HS3ST4: variants seen among roughly 807,000 people sequenced by gnomAD.
The protein encoded by HS3ST4 is heparan sulfate glucosamine 3-O-sulfotransferase 4.
A neutral mutation model predicts 29.2 loss-of-function variants in HS3ST4; 17 were observed. That is an observed-to-expected ratio of 0.58 (90% CI 0.40 to 0.87). HS3ST4 has a LOEUF of 0.87. Among genes scored for constraint, HS3ST4 ranks in the 40% least tolerant of loss-of-function variants. The probability of loss-of-function intolerance (pLI) is 0.00; values close to 1 mark genes in which losing one functional copy is unlikely to be tolerated. For synonymous variants in HS3ST4, 314 were observed against 285.7 expected (o/e 1.10, Z -1.00); for missense variants, 627 against 634.5 (o/e 0.99, Z 0.13).
At chr16:25,848,495 G>A (rs1374790506) in intron 1 of HS3ST4, among the ~76,000 whole-genome samples, 1 of 150,882 alleles carries the variant, frequency 6.6e-6, no homozygotes, top group Admixed American at 6.6e-5. Flanking sequence ...CCCTTTTTGA[G>A]TTTACTTTGG....
intron 1 of HS3ST4, among the ~76,000 whole-genome samples, chr16:25,996,130 T>C (rs1001057172): frequency 6.6e-6 from 1 of 152,114 alleles, no homozygotes; most frequent in Non-Finnish European, 1.5e-5. Context: ...CCAGATAAGA[T>C]TTGGGACCAA....
chr16:25,708,341 TA>T lies in HS3ST4; in HGVS notation c.734+15192del, dbSNP rs35966218. 8.9e-3 allele frequency among the ~76,000 whole-genome samples: 1,356 copies of T among 152,264 alleles called. 9 individuals carry two copies. The highest frequency in any genetic ancestry group is 0.014 in the Non-Finnish European group (954 of 68,002). ...TAAAATATTCACTTTCAGTAAACAA[TA>T]AGCAAGTATCAAAACAGATGTGTAA... On this transcript the variant is annotated intron_variant, in intron 1 of 1. Coordinates refer to ENST00000331351, the MANE Select transcript of HS3ST4 (RefSeq NM_006040.3).
chr16:25,804,313 G>GA (rs1220626133), intron 1 of HS3ST4, among the ~76,000 whole-genome samples: 18 of 152,226 alleles, frequency 1.2e-4, no homozygotes, highest in Non-Finnish European at 2.4e-4. Flanking sequence ...TCTGCATCCA[G>GA]AAAGAGCTCT....
chr16:25,920,579 T>C (rs1968337931), intron 1 of HS3ST4, among the ~76,000 whole-genome samples: 1 of 147,012 alleles, frequency 6.8e-6, no homozygotes, highest in African/African-American at 2.6e-5. Context: ...CAAGTAGAAA[T>C]CCTTCCCCTC....
intron 1 of HS3ST4, among the ~76,000 whole-genome samples, chr16:26,005,795 A>T (rs1969252726): frequency 1.3e-5 from 2 of 151,652 alleles, no homozygotes; most frequent in South Asian, 4.2e-4. Context: ...TTAGACCAGG[A>T]TTTCTCAACT....
chr16:25,955,943 T>C (rs975896349), intron 1 of HS3ST4, among the ~76,000 whole-genome samples: 1 of 151,792 alleles, frequency 6.6e-6, no homozygotes, highest in African/African-American at 2.4e-5. Flanking sequence ...GCCTCCCAAG[T>C]AGCTGGGATT....
intron 1 of HS3ST4, among the ~76,000 whole-genome samples, chr16:26,053,967 C>T (rs1245004130): frequency 6.6e-6 from 1 of 152,114 alleles, no homozygotes; most frequent in Non-Finnish European, 1.5e-5. Context: ...GGGAGGCTCC[C>T]TTGTGACACA....
At chr16:26,011,829 G>A (rs990004634) in intron 1 of HS3ST4, among the ~76,000 whole-genome samples, 1 of 151,762 alleles carries the variant, frequency 6.6e-6, no homozygotes. Context: ...AATCTATTAG[G>A]AATACTAGGA....
chr16:25,715,697 AG>A (rs1489859101), intron 1 of HS3ST4, among the ~76,000 whole-genome samples: 3 of 152,226 alleles, frequency 2.0e-5, no homozygotes, highest in Non-Finnish European at 4.4e-5. Context: ...GCGGAGTGAC[AG>A]GATGGCTTTA....
chr16:26,089,588 G>T (rs1898829313), intron 1 of HS3ST4, among the ~76,000 whole-genome samples: 1 of 152,218 alleles, frequency 6.6e-6, no homozygotes, highest in African/African-American at 2.4e-5. Flanking sequence ...GCCAGGATTT[G>T]CTCTGTTAGC....
intron 1 of HS3ST4, among the ~76,000 whole-genome samples, chr16:25,781,091 T>G (rs1030992445): frequency 1.3e-5 from 2 of 152,166 alleles, no homozygotes; most frequent in African/African-American, 4.8e-5. Context: ...CAGGGCAGCT[T>G]GTTGTTATAA....
At position 25,692,599 on chromosome 16, in the gene HS3ST4, T is replaced by A; in HGVS notation, c.182T>A (p.Phe61Tyr). Reference protein sequence around the residue: ...SLLGGSGSLQFPLALQESPGA... With the variant: ...SLLGGSGSLQYPLALQESPGA... Reference sequence around the variant, plus strand: ...CTGGGCGGCTCGGGCTCCCTGCAATTCCCTCTGGCGCTGCAGGAGTCGCCG... The same window carrying A: ...CTGGGCGGCTCGGGCTCCCTGCAATACCCTCTGGCGCTGCAGGAGTCGCCG... The change falls in exon 1 of 2, where the codon TTC (phenylalanine) becomes TAC (tyrosine). Residue 61 changes from phenylalanine (F) to tyrosine (Y), a missense_variant. By Grantham distance (22) the Phe-to-Tyr change is conservative (BLOSUM62 3). Coordinates refer to ENST00000331351, the MANE Select transcript of HS3ST4 (RefSeq NM_006040.3). The A allele has an allele frequency of 7.1e-7, 1 of 1,399,540 alleles. No homozygotes were observed. The highest frequency in any genetic ancestry group is 9.4e-7 in the Non-Finnish European group (1 of 1,066,448). The allele number at this position is 1,399,540 out of a possible 1,614,324, so 86.7% of individuals were successfully genotyped here.
At chr16:25,999,894 A>ATATTATATATATTTTT (rs1555477414) in intron 1 of HS3ST4, among the ~76,000 whole-genome samples, 2 of 103,758 alleles carry the variant, frequency 1.9e-5, no homozygotes, top group African/African-American at 6.9e-5. Context: ...ATATATATAT[A>ATATTATATATATTTTT]TTTTATATAT....
intron 1 of HS3ST4, among the ~76,000 whole-genome samples, chr16:26,117,994 TA>T (rs1466892654): frequency 6.6e-5 from 10 of 152,054 alleles, no homozygotes; most frequent in African/African-American, 2.4e-4. Flanking sequence ...CTAAAGAAGA[TA>T]AAACAAAACA....
chr16:25,733,047 G>A (rs952105689), intron 1 of HS3ST4, among the ~76,000 whole-genome samples: 2 of 152,150 alleles, frequency 1.3e-5, no homozygotes, highest in African/African-American at 4.8e-5. Context: ...TTCCAAAGAA[G>A]ACCATCTCTG....
At chr16:26,093,360 G>A (rs1898880930) in intron 1 of HS3ST4, among the ~76,000 whole-genome samples, 1 of 152,154 alleles carries the variant, frequency 6.6e-6, no homozygotes, top group Non-Finnish European at 1.5e-5. Context: ...ACCTCATACA[G>A]GCGGGTGCTC....
chr16:25,791,237 T>C (rs1448876158), intron 1 of HS3ST4, among the ~76,000 whole-genome samples: 1 of 152,184 alleles, frequency 6.6e-6, no homozygotes, highest in Non-Finnish European at 1.5e-5. Context: ...GTATTCTGTT[T>C]TGCTAGACTA....
chr16:26,017,610 A>G (rs1969373936), intron 1 of HS3ST4, among the ~76,000 whole-genome samples: 1 of 152,220 alleles, frequency 6.6e-6, no homozygotes, highest in Non-Finnish European at 1.5e-5. Flanking sequence ...CTTTCTAATG[A>G]GGATTTACTG....
At chr16:26,035,566 G>C (rs992101215) in intron 1 of HS3ST4, among the ~76,000 whole-genome samples, 3 of 152,098 alleles carry the variant, frequency 2.0e-5, no homozygotes, top group African/African-American at 7.2e-5. Flanking sequence ...TTCTCCCTCA[G>C]TCTCCCATAT....
Sources: allele counts gnomAD v4.1 joint callset (sites outside exome capture counted in the v4.1 genomes callset), GRCh38; gene constraint gnomAD v4.1.1; transcripts MANE v1.5; gene names NCBI Gene and HGNC (gene_info 2026-07-23, HGNC 2026-07-21).